The following FBXL17 variants were observed in gnomAD, a reference collection of about 807,000 sequenced individuals.
FBXL17 encodes F-box and leucine rich repeat protein 17.
A neutral mutation model predicts 66.2 loss-of-function variants in FBXL17; 22 were observed. That is an observed-to-expected ratio of 0.33 (90% CI 0.24 to 0.47). The LOEUF (loss-of-function observed/expected upper bound fraction) is 0.47. Among genes scored for constraint, FBXL17 ranks in the 20% least tolerant of loss-of-function variants. The pLI, the probability that FBXL17 is intolerant of heterozygous loss-of-function variation, is 1.00. For missense variants in FBXL17, 878 were observed against 948.2 expected (o/e 0.93, Z 0.97); for synonymous variants, 474 against 400.5 (o/e 1.18, Z -2.19).
rs1219327884 is a variant in FBXL17, at chr5:108,020,968, G to A, written c.1779C>T (p.Asn593=). Reference sequence around the variant, plus strand: ...AGGACACCAAATATAGCTCTTTCAGGTTTTGTCCTTCCTTTGCAATGACCT... The same window carrying A: ...AGGACACCAAATATAGCTCTTTCAGATTTTGTCCTTCCTTTGCAATGACCT... ...CVEVIAKEGQ[N]LKELYLVSCK... Residue 593 remains asparagine, a synonymous_variant, in exon 7 of 9, where the codon AAC becomes AAT. Coordinates refer to ENST00000542267, the MANE Select transcript of FBXL17 (RefSeq NM_001163315.3). 5.0e-6 allele frequency: 8 copies of A among 1,610,538 alleles called. No individual in the cohort carries two copies. Among genetic ancestry groups the A allele is most frequent in the South Asian group, 2.2e-5 (2 of 90,958 alleles).
chr5:108,381,643 T>C lies in FBXL17; in HGVS notation c.49A>G (p.Arg17Gly). 6.7e-7 allele frequency: 1 copy of C among 1,485,164 alleles called. No homozygotes were observed. The highest frequency in any genetic ancestry group is 8.9e-7 in the Non-Finnish European group (1 of 1,122,112). 92.0% of individuals were successfully genotyped at this position (1,485,164 alleles called of 1,614,324 possible). A position where few individuals can be genotyped will look rare whatever the true frequency, so the allele number is the denominator to read the frequency against. The change falls in exon 1 of 9, where the codon AGG (arginine) becomes GGG (glycine). Residue 17 changes from arginine to glycine, a missense_variant. Physicochemically the swap from Arg to Gly is moderately radical, Grantham distance 125. Transcript: ENST00000542267. ...KEPRNRPSQK[R>G]PRCCSWCRRR... ...CGGCACCAACTGCAACAGCGAGGCC[T>C]CTTCTGGCTCGGGCGGTTACGCGGC... is the stretch of plus-strand genomic sequence containing the variant.
intron 4 of FBXL17, among the ~76,000 whole-genome samples, chr5:108,280,332 A>C (rs1334703456): frequency 6.6e-6 from 1 of 152,170 alleles, no homozygotes; most frequent in African/African-American, 2.4e-5. Flanking sequence ...TGAATGTGCT[A>C]AAGAAAAACA....
chr5:108,134,530 T>C (rs1353002043), intron 6 of FBXL17, among the ~76,000 whole-genome samples: 3 of 152,134 alleles, frequency 2.0e-5, no homozygotes, highest in African/African-American at 7.2e-5. Flanking sequence ...GTATCTGAAC[T>C]GCAGCAACTC....
intron 6 of FBXL17, among the ~76,000 whole-genome samples, chr5:108,025,717 ACGCG>A (rs55770372): frequency 9.6e-6 from 1 of 104,012 alleles, no homozygotes; most frequent in Non-Finnish European, 2.1e-5. Flanking sequence ...ACACACACAC[ACGCG>A]CGCGCGCACA....
chr5:107,880,651 CA>C, intron 8 of FBXL17: 1 of 1,185,412 alleles, frequency 8.4e-7, no homozygotes, highest in South Asian at 3.3e-5. Context: ...CTGTTCTTTC[CA>C]CCTTTACTGT....
chr5:108,049,159 T>A (rs1747374355), intron 6 of FBXL17, among the ~76,000 whole-genome samples: 1 of 151,994 alleles, frequency 6.6e-6, no homozygotes. Context: ...ATTCTTTTTT[T>A]TTTTAGACAG....
chr5:108,369,500 C>T (rs1057236414), intron 1 of FBXL17, among the ~76,000 whole-genome samples: 3 of 152,098 alleles, frequency 2.0e-5, no homozygotes, highest in Non-Finnish European at 4.4e-5. Context: ...AGTTTGACTG[C>T]TTTCGTCAAC....
At chr5:108,365,418 G>A (rs1476522321) in intron 2 of FBXL17, among the ~76,000 whole-genome samples, 1 of 152,084 alleles carries the variant, frequency 6.6e-6, no homozygotes, top group East Asian at 1.9e-4. Context: ...GAGGAAGGAA[G>A]CTGGAGATTG....
At chr5:107,903,574 G>A (rs1021249390) in intron 7 of FBXL17, among the ~76,000 whole-genome samples, 4 of 152,084 alleles carry the variant, frequency 2.6e-5, no homozygotes, top group South Asian at 2.1e-4. Context: ...GTTAGTCAGC[G>A]GCAAAGCTAA....
At chr5:108,112,283 G>T (rs368546201) in intron 6 of FBXL17, among the ~76,000 whole-genome samples, 37 of 152,280 alleles carry the variant, frequency 2.4e-4, no homozygotes, top group African/African-American at 8.4e-4. Flanking sequence ...GGAATAAGTG[G>T]GAAATATCTG....
chr5:108,241,491 C>A lies in FBXL17; in HGVS notation c.1507-17263G>T, dbSNP rs1020968633. Among the ~76,000 whole-genome samples, 7 of 151,824 alleles carry A rather than the reference C, an allele frequency of 4.6e-5. No individual in the cohort carries two copies. The South Asian group carries it at 1.0e-3, about 22-fold the overall frequency. On this transcript the variant is annotated intron_variant, in intron 4 of 8. Coordinates refer to ENST00000542267, the MANE Select transcript of FBXL17 (RefSeq NM_001163315.3). ...AAAAAAAAAGAATAAAGAATGCCTA[C>A]AAGATCTAGAAAATAGCCTCAAAAG...
chr5:108,152,962 G>T (rs983155079), intron 6 of FBXL17, among the ~76,000 whole-genome samples: 2 of 152,170 alleles, frequency 1.3e-5, no homozygotes, highest in African/African-American at 2.4e-5. Context: ...ACTGAATCAT[G>T]AGGGCAAGTC....
intron 7 of FBXL17, among the ~76,000 whole-genome samples, chr5:107,894,604 C>G (rs1044151677): frequency 1.3e-5 from 2 of 152,034 alleles, no homozygotes; most frequent in Non-Finnish European, 2.9e-5. Flanking sequence ...TAATCTGAAT[C>G]CTGCCTGCAA....
intron 6 of FBXL17, among the ~76,000 whole-genome samples, chr5:108,138,952 A>C (rs1194794853): frequency 6.6e-6 from 1 of 152,194 alleles, no homozygotes; most frequent in Non-Finnish European, 1.5e-5. Context: ...ATTGCCTCAG[A>C]TTTAGTAACT....
At chr5:108,048,339 C>T (rs1389019804) in intron 6 of FBXL17, among the ~76,000 whole-genome samples, 4 of 152,178 alleles carry the variant, frequency 2.6e-5, no homozygotes, top group Non-Finnish European at 4.4e-5. Flanking sequence ...TAGACAAACT[C>T]ATGAAGATGA....
chr5:108,018,742 C>T (rs1218341669), intron 7 of FBXL17, among the ~76,000 whole-genome samples: 3 of 152,068 alleles, frequency 2.0e-5, no homozygotes, highest in Non-Finnish European at 2.9e-5. Flanking sequence ...CTTATCACCA[C>T]GGAGAGGAAA....
chr5:108,285,263 G>A (rs1392857923), intron 4 of FBXL17, among the ~76,000 whole-genome samples: 1 of 151,804 alleles, frequency 6.6e-6, no homozygotes, highest in East Asian at 1.9e-4. Context: ...ATTCAAGAGA[G>A]TTGGAATAAA....
chr5:108,221,076 A>G (rs1011153532), intron 5 of FBXL17, among the ~76,000 whole-genome samples: 1 of 152,220 alleles, frequency 6.6e-6, no homozygotes, highest in Non-Finnish European at 1.5e-5. Context: ...TCTCATTAAC[A>G]CAGTCATAGC....
chr5:108,228,943 A>G (rs1580654810), intron 4 of FBXL17, among the ~76,000 whole-genome samples: 2 of 152,346 alleles, frequency 1.3e-5, no homozygotes, highest in East Asian at 3.9e-4. Context: ...TGTTGGGTAC[A>G]GCTCTGCAGC....
Sources: gnomAD v4.1 joint callset for allele counts (sites outside exome capture counted in the v4.1 genomes callset) on GRCh38, gnomAD v4.1.1 for gene constraint, MANE v1.5 for transcripts, NCBI Gene and HGNC (gene_info 2026-07-23, HGNC 2026-07-21) for gene names.